SLC1A3: variants seen among roughly 807,000 people sequenced by gnomAD.
SLC1A3 encodes solute carrier family 1 member 3.
Under a neutral mutation model 48.1 loss-of-function variants are expected in SLC1A3, and 21 were observed. The observed-to-expected ratio is 0.44, with a 90% CI of 0.31 to 0.63. The LOEUF (loss-of-function observed/expected upper bound fraction) is 0.63. Among genes scored for constraint, SLC1A3 ranks in the 20% least tolerant of loss-of-function variants. SLC1A3 has a pLI of 0.08. For missense variants in SLC1A3, 546 were observed against 689.0 expected (o/e 0.79, Z 2.32); for synonymous variants, 239 against 251.4 (o/e 0.95, Z 0.47).
At chr5:36,665,325 C>T (rs149301555) in intron 3 of SLC1A3, among the ~76,000 whole-genome samples, 68 of 152,006 alleles carry the variant, frequency 4.5e-4, no homozygotes, top group African/African-American at 1.5e-3. Flanking sequence ...TATGTGCAGA[C>T]ACTATGCTAG....
intron 1 of SLC1A3, among the ~76,000 whole-genome samples, chr5:36,597,221 T>C (rs1186793852): frequency 4.1e-5 from 6 of 147,230 alleles, no homozygotes; most frequent in African/African-American, 1.5e-4. Flanking sequence ...ACCGAAAACT[T>C]CTTCTTCCTT....
chr5:36,670,858 C>G (rs1490337354), intron 3 of SLC1A3, 171 bp from the exon 4 acceptor site: 1 of 670,912 alleles, frequency 1.5e-6, no homozygotes, highest in Non-Finnish European at 2.7e-6. Context: ...TAGCCTCGGC[C>G]TTTTCCCTTC....
intron 3 of SLC1A3, among the ~76,000 whole-genome samples, chr5:36,632,073 T>C (rs1301377358): frequency 9.2e-5 from 14 of 152,200 alleles, no homozygotes; most frequent in Admixed American, 8.5e-4. Context: ...GATAGAGTCA[T>C]GGATACAGAG....
chr5:36,656,595 G>C (rs776479251), intron 3 of SLC1A3, among the ~76,000 whole-genome samples: 9 of 152,216 alleles, frequency 5.9e-5, no homozygotes, highest in African/African-American at 2.2e-4. Context: ...AGCAACAAAA[G>C]AACTCCTTGA....
At position 36,676,888 on chromosome 5, in the gene SLC1A3, T is replaced by C. The variant is rs750147500; in HGVS notation, c.568-4T>C. 6.2e-7 allele frequency: 1 copy of C among 1,609,898 alleles called. No homozygotes were observed. On this transcript the variant is annotated splice_polypyrimidine_tract_variant and splice_region_variant and intron_variant, in intron 5 of 9. Coordinates refer to ENST00000265113, the MANE Select transcript of SLC1A3 (RefSeq NM_004172.5). ...TAATCCTCGTTGTGCTTTTTATTTT[T>C]AAGTTTAAAACCAACTATGAGAAGA...
chr5:36,604,909 G>T (rs1041857017), upstream of SLC1A3, among the ~76,000 whole-genome samples: 4 of 63,260 alleles, frequency 6.3e-5, no homozygotes, highest in Non-Finnish European at 1.3e-4. Context: ...AAAGCGGTGG[G>T]GGGGGGGGGT....
At chr5:36,645,954 T>C (rs1437672903) in intron 3 of SLC1A3, among the ~76,000 whole-genome samples, 1 of 152,254 alleles carries the variant, frequency 6.6e-6, no homozygotes, top group African/African-American at 2.4e-5. Context: ...TGAATAGAGC[T>C]ACAGGCCAAG....
chr5:36,659,729 AT>A (rs1741429845), intron 3 of SLC1A3, among the ~76,000 whole-genome samples: 3 of 152,292 alleles, frequency 2.0e-5, no homozygotes, highest in African/African-American at 4.8e-5. Flanking sequence ...GTTTCACAAT[AT>A]TTTTTTAAGT....
intron 3 of SLC1A3, among the ~76,000 whole-genome samples, chr5:36,644,592 TA>T (rs1740761081): frequency 6.6e-6 from 1 of 152,224 alleles, no homozygotes; most frequent in South Asian, 2.1e-4. Context: ...TTTTATACCA[TA>T]ATTAAAATTT....
intron 5 of SLC1A3, 67 bp downstream of exon 5, chr5:36,674,158 C>G: frequency 8.4e-7 from 1 of 1,188,512 alleles, no homozygotes; most frequent in Middle Eastern, 1.9e-4. Context: ...CAAGTGGGAC[C>G]CTCTTTTCCC....
At chr5:36,654,533 CT>C (rs2111860952) in intron 3 of SLC1A3, among the ~76,000 whole-genome samples, 1 of 152,332 alleles carries the variant, frequency 6.6e-6, no homozygotes, top group South Asian at 2.1e-4. Context: ...GGGGCACAGA[CT>C]CCATAAGACT....
At chr5:36,668,245 T>C (rs1265322581) in intron 3 of SLC1A3, 2 of 152,214 alleles carry the variant, frequency 1.3e-5, no homozygotes, top group African/African-American at 2.4e-5. Flanking sequence ...TTTCTTGAGG[T>C]TGGGGAAAGG....
Position 36,678,509 on chromosome 5 carries a change from A to G in SLC1A3, c.861-1118A>G, listed in dbSNP as rs147645839. 7.5e-3 allele frequency among the ~76,000 whole-genome samples: 1,147 copies of G among 152,348 alleles called. 7 individuals are homozygous for G. Among genetic ancestry groups the G allele is most frequent in the Non-Finnish European group, 0.01 (689 of 68,034 alleles). ...GCTGAGTTATTATATTTCTGAAAACAGGTATTCCTATGATTTCCTGGCCTG... is the reference window on the plus strand; with the variant it reads ...GCTGAGTTATTATATTTCTGAAAACGGGTATTCCTATGATTTCCTGGCCTG... On this transcript the variant is annotated intron_variant, in intron 6 of 9. Transcript: ENST00000265113.
chr5:36,630,179 G>A (rs1165972649), intron 3 of SLC1A3: 1 of 155,874 alleles, frequency 6.4e-6, no homozygotes, highest in Non-Finnish European at 1.4e-5. Flanking sequence ...AAGGGGGAGG[G>A]GGCGGGAGAT....
At chr5:36,608,695 T>G in intron 2 of SLC1A3, 91 bp downstream of exon 2, 9 of 1,564,916 alleles carry the variant, frequency 5.8e-6, no homozygotes, top group Non-Finnish European at 7.8e-6. Context: ...GAACTAGTTG[T>G]AGGTATCAAA....
In SLC1A3 at chr5:36,687,721, A is replaced by G. The variant is rs190262493; in HGVS notation, c.*1452A>G. The stretch of plus-strand genomic sequence containing the variant: ...TGTTTTGTTTGTGTCCATAAGAGAA[A>G]TGGTAGAAGATGAATCAGTATGAAG... On this transcript the variant is annotated 3_prime_UTR_variant, in exon 10 of 10. Transcript: ENST00000265113. The G allele has an allele frequency of 5.9e-5, 9 of 152,724 alleles. No homozygotes were observed. The highest frequency in any genetic ancestry group is 1.7e-4 in the African/African-American group (7 of 41,562). The allele number at this position is 152,724 out of a possible 1,614,324, so 9.5% of individuals were successfully genotyped here.
chr5:36,655,852 CCCT>C (rs1741263476), intron 3 of SLC1A3, among the ~76,000 whole-genome samples: 1 of 152,146 alleles, frequency 6.6e-6, no homozygotes, highest in South Asian at 2.1e-4. Flanking sequence ...GTTTGAGATT[CCCT>C]GTGGAATTAT....
intron 3 of SLC1A3, 110 bp downstream of exon 3, chr5:36,629,697 T>TAA: frequency 5.6e-6 from 5 of 890,824 alleles, no homozygotes; most frequent in Admixed American, 4.1e-5. Context: ...TGCTCTGTTC[T>TAA]AGAAAAAAAA....
intron 2 of SLC1A3, 147 bp downstream of exon 2, chr5:36,608,751 A>G: frequency 6.8e-7 from 1 of 1,465,806 alleles, no homozygotes; most frequent in Non-Finnish European, 9.0e-7. Context: ...TTTCTCCATA[A>G]AAATGACTGT....
Sources: gnomAD v4.1 joint callset for allele counts (sites outside exome capture counted in the v4.1 genomes callset) on GRCh38, gnomAD v4.1.1 for gene constraint, MANE v1.5 for transcripts, NCBI Gene and HGNC (gene_info 2026-07-23, HGNC 2026-07-21) for gene names.